Variants in CNKSR3 observed in about 807,000 individuals in gnomAD.
CNKSR3 encodes CNKSR family member 3.
Under a neutral mutation model 67.7 loss-of-function variants are expected in CNKSR3, and 36 were observed. That is an observed-to-expected ratio of 0.53 (90% confidence interval 0.41 to 0.70). The LOEUF is 0.70. CNKSR3 is among the 30% of genes least tolerant of loss of function. CNKSR3 has a pLI of 0.00. For synonymous variants in CNKSR3, 281 were observed against 271.4 expected, an observed-to-expected ratio of 1.04 and a Z score of -0.35; for missense variants, 630 against 695.2, an observed-to-expected ratio of 0.91 and a Z score of 1.05.
intron 12 of CNKSR3, among the ~76,000 whole-genome samples, chr6:154,408,218 T>C (rs535757179): frequency 6.6e-6 from 1 of 151,986 alleles, no homozygotes; most frequent in Non-Finnish European, 1.5e-5. Context: ...AGAGACGGGG[T>C]TTCACCATGT....
At position 154,510,144 on chromosome 6, in the gene CNKSR3, G is replaced by C. The variant is rs961428376; in HGVS notation, c.-30C>G. The C allele has an allele frequency of 6.2e-7, 1 of 1,613,842 alleles. No individual in the cohort carries two copies. The highest frequency in any genetic ancestry group is 1.1e-5 in the South Asian group (1 of 91,082). The stretch of plus-strand genomic sequence containing the variant: ...AACCGCTTCGCCTCTCGCTGGGCTG[G>C]AGAGTCGCAGATAAAGTGCTGCTGC... On this transcript the variant is annotated 5_prime_UTR_variant, in exon 1 of 13. Transcript: ENST00000607772.
intron 11 of CNKSR3, among the ~76,000 whole-genome samples, chr6:154,410,638 A>G (rs758813051): frequency 7.2e-5 from 11 of 152,214 alleles, no homozygotes; most frequent in Non-Finnish European, 5.9e-5. Flanking sequence ...ATTAAACTTG[A>G]GCCTGTGAGT....
intron 1 of CNKSR3, among the ~76,000 whole-genome samples, chr6:154,460,403 T>C (rs991360235): frequency 6.6e-6 from 1 of 152,224 alleles, no homozygotes; most frequent in African/African-American, 2.4e-5. Flanking sequence ...TGCATGTGTG[T>C]GTAAAAGCAT....
At chr6:154,471,318 G>A (rs112243223) in intron 1 of CNKSR3, among the ~76,000 whole-genome samples, 5 of 152,088 alleles carry the variant, frequency 3.3e-5, no homozygotes, top group Non-Finnish European at 5.9e-5. Context: ...CAGGCAGATC[G>A]CTTGAGGTCA....
At chr6:154,488,731 A>G (rs955003926) in intron 1 of CNKSR3, among the ~76,000 whole-genome samples, 1 of 152,248 alleles carries the variant, frequency 6.6e-6, no homozygotes, top group Non-Finnish European at 1.5e-5. Context: ...TTAAAATAAC[A>G]GCTATCCATG....
Position 154,402,651 on chromosome 6 carries a change from A to T in CNKSR3, c.*3703T>A, listed in dbSNP as rs1784730743. The T allele has an allele frequency of 6.6e-6, 1 of 152,216 alleles. No individual in the cohort carries two copies. Among genetic ancestry groups the T allele is most frequent in the Non-Finnish European group, 1.5e-5 (1 of 68,046 alleles). 9.4% of individuals were successfully genotyped at this position (152,216 alleles called of 1,614,324 possible). The stretch of plus-strand genomic sequence containing the variant: ...AGATTTATTAGAAAGGTATTAGAAC[A>T]ATGCCAGGCACACAGCAAGCACTAT... On this transcript the variant is annotated 3_prime_UTR_variant, in exon 13 of 13. Coordinates refer to ENST00000607772, the MANE Select transcript of CNKSR3 (RefSeq NM_173515.4).
Position 154,388,005 on chromosome 6 carries a change from C to G in CNKSR3, c.*18349G>C, listed in dbSNP as rs950908126. On this transcript the variant is annotated 3_prime_UTR_variant, in exon 13 of 13. Coordinates refer to ENST00000607772, the MANE Select transcript of CNKSR3 (RefSeq NM_173515.4). ...TCCAATTGCTTTTCTGTTCTATTTT[C>G]TTTCTTTTTTTTTTTCAGTAAGAAC... 7 of 133,378 alleles carry G rather than the reference C, an allele frequency of 5.2e-5. No homozygotes were observed. The highest frequency in any genetic ancestry group is 9.6e-5 in the Non-Finnish European group (6 of 62,372). The allele number at this position is 133,378 out of a possible 1,614,324, so 8.3% of individuals were successfully genotyped here. A position where few individuals can be genotyped will look rare whatever the true frequency, so the allele number is the denominator to read the frequency against.
chr6:154,505,473 T>A (rs997544093), intron 1 of CNKSR3, among the ~76,000 whole-genome samples: 3 of 149,876 alleles, frequency 2.0e-5, no homozygotes, highest in Non-Finnish European at 4.4e-5. Context: ...CTGACTCAAC[T>A]ACACAATTTT....
intron 1 of CNKSR3, among the ~76,000 whole-genome samples, chr6:154,460,317 T>C (rs1786052114): frequency 6.6e-6 from 1 of 152,164 alleles, no homozygotes; most frequent in South Asian, 2.1e-4. Flanking sequence ...AAACAATGTA[T>C]GAGGAGCTTG....
At chr6:154,467,019 C>T (rs1786217191) in intron 1 of CNKSR3, among the ~76,000 whole-genome samples, 1 of 151,978 alleles carries the variant, frequency 6.6e-6, no homozygotes, top group South Asian at 2.1e-4. Flanking sequence ...CAGGAGGCAG[C>T]AAAGAGGGAG....
intron 12 of CNKSR3, among the ~76,000 whole-genome samples, chr6:154,407,650 A>G (rs1187078927): frequency 6.6e-6 from 1 of 151,970 alleles, no homozygotes; most frequent in Admixed American, 6.6e-5. Flanking sequence ...ACAGGTGCGC[A>G]CAACCACACC....
chr6:154,437,008 G>C (rs140023546), intron 4 of CNKSR3, among the ~76,000 whole-genome samples: 4 of 152,260 alleles, frequency 2.6e-5, no homozygotes, highest in South Asian at 4.2e-4. Context: ...GAGATGGATG[G>C]AAGGAAGGAT....
intron 1 of CNKSR3, among the ~76,000 whole-genome samples, chr6:154,489,663 T>C (rs919883745): frequency 6.6e-6 from 1 of 152,206 alleles, no homozygotes; most frequent in Non-Finnish European, 1.5e-5. Flanking sequence ...TACTGGATTA[T>C]ATTGTTTATC....
At chr6:154,411,356 A>G (rs1002603709) in intron 10 of CNKSR3, among the ~76,000 whole-genome samples, 5 of 152,210 alleles carry the variant, frequency 3.3e-5, no homozygotes, top group African/African-American at 9.6e-5. Context: ...TGAAATAAGA[A>G]TAAATGCAGG....
chr6:154,464,837 G>A (rs1020516637), intron 1 of CNKSR3, among the ~76,000 whole-genome samples: 19 of 151,976 alleles, frequency 1.3e-4, no homozygotes, highest in Non-Finnish European at 2.6e-4. Context: ...AGAGAGCAGG[G>A]GAAAACTTCA....
chr6:154,440,910 A>G (rs148764368), intron 4 of CNKSR3, among the ~76,000 whole-genome samples: 3 of 152,166 alleles, frequency 2.0e-5, no homozygotes, highest in African/African-American at 7.2e-5. Flanking sequence ...GGCCAAAATG[A>G]AAAGAAAATT....
At chr6:154,508,910 T>C (rs62432729) in intron 1 of CNKSR3, among the ~76,000 whole-genome samples, 23,261 of 152,180 alleles carry the variant, frequency 0.15, 1,874 homozygotes, top group Middle Eastern at 0.18. Context: ...TCAGTTTTCA[T>C]TATGCTGCAG....
chr6:154,450,341 TCTCAG>T (rs2128719179), intron 1 of CNKSR3, 83 bp from the exon 2 acceptor site: 3 of 1,359,328 alleles, frequency 2.2e-6, no homozygotes, highest in East Asian at 2.3e-5. Context: ...GTCACATCAA[TCTCAG>T]CAATCAACAA....
chr6:154,403,392 A>G lies in CNKSR3; in HGVS notation c.*2962T>C, dbSNP rs2051240357. ...CACTGCACTCTAGCCTGGGTGACAG[A>G]GTGAGAATCTGTCTCAGAAAAAAAA... On this transcript the variant is annotated 3_prime_UTR_variant, in exon 13 of 13. Coordinates refer to ENST00000607772, the MANE Select transcript of CNKSR3 (RefSeq NM_173515.4). The G allele has an allele frequency of 1.3e-5, 2 of 150,400 alleles. No individual in the cohort carries two copies. The highest frequency in any genetic ancestry group is 1.3e-4 in the Admixed American group (2 of 14,920). The allele number at this position is 150,400 out of a possible 1,614,324, so 9.3% of individuals were successfully genotyped here. A position where few individuals can be genotyped will look rare whatever the true frequency, so the allele number is the denominator to read the frequency against.
Sources: allele counts gnomAD v4.1 joint callset (sites outside exome capture counted in the v4.1 genomes callset), GRCh38; gene constraint gnomAD v4.1.1; transcripts MANE v1.5; gene names NCBI Gene and HGNC (gene_info 2026-07-23, HGNC 2026-07-21).